The following CCDC28A variants were observed in gnomAD, a reference collection of about 807,000 sequenced individuals.
The protein encoded by CCDC28A is coiled-coil domain containing 28A, also known as coiled-coil domain-containing protein 28A.
CCDC28A carries 24 observed loss-of-function variants against 22.1 expected under a neutral mutation model. That is an observed-to-expected ratio of 1.09 (90% CI 0.79 to 1.53). CCDC28A has a LOEUF of 1.53. Ranked by LOEUF, CCDC28A falls within the 40% of genes most tolerant of loss-of-function variation. The pLI is 0.00. For missense variants in CCDC28A, 170 were observed against 210.7 expected (o/e 0.81, Z 1.20); for synonymous variants, 83 against 74.7 (o/e 1.11, Z -0.57).
intron 3 of CCDC28A, among the ~76,000 whole-genome samples, chr6:138,784,088 T>C (rs780524090): frequency 2.6e-5 from 4 of 151,984 alleles, no homozygotes; most frequent in Non-Finnish European, 5.9e-5. Context: ...GGTTTCACCA[T>C]GTTGCCCAGG....
intron 3 of CCDC28A, among the ~76,000 whole-genome samples, chr6:138,784,664 T>G (rs1444109677): frequency 2.0e-5 from 3 of 151,800 alleles, no homozygotes; most frequent in Admixed American, 6.6e-5. Flanking sequence ...CCCAGCCTGA[T>G]TTTGCTTTTT....
chr6:138,780,480 G>A (rs72985049), intron 3 of CCDC28A, among the ~76,000 whole-genome samples: 4,838 of 151,826 alleles, frequency 0.032, 122 homozygotes, highest in Non-Finnish European at 0.044. Context: ...GTATTTTTTC[G>A]TAGTCACAGA....
Position 138,781,640 on chromosome 6 carries a change from A to G in CCDC28A, c.322+1655A>G, listed in dbSNP as rs1195147331. Among the ~76,000 whole-genome samples, 9 of 152,300 alleles carry G rather than the reference A, an allele frequency of 5.9e-5. No homozygotes were observed. In the East Asian group the frequency reaches 1.2e-3, roughly 20 times the overall value. On this transcript the variant is annotated intron_variant, in intron 3 of 5. Transcript: ENST00000617445. ...TGTAAAGTGAGATGTCTTTTATTAC[A>G]ATTGAGTTTGAAGATCCGTGTGTGT... is the stretch of plus-strand genomic sequence containing the variant.
Position 138,793,007 on chromosome 6 carries a change from G to C in CCDC28A, c.*204G>C. 1.8e-6 allele frequency: 1 copy of C among 547,744 alleles called. No homozygotes were observed. Among genetic ancestry groups the C allele is most frequent in the Non-Finnish European group, 3.3e-6 (1 of 304,680 alleles). The allele number at this position is 547,744 out of a possible 1,614,324, so 33.9% of individuals were successfully genotyped here. A position where few individuals can be genotyped will look rare whatever the true frequency, so the allele number is the denominator to read the frequency against. On this transcript the variant is annotated 3_prime_UTR_variant, in exon 6 of 6. Coordinates refer to ENST00000617445, the MANE Select transcript of CCDC28A (RefSeq NM_015439.3). ...ACTGGAGGCCTAGGCCTTGTTGAAG[G>C]CTTCATCAGGAAATGTGACGCAGAG...
At chr6:138,792,474 A>AT (rs1458560625) in intron 5 of CCDC28A, among the ~76,000 whole-genome samples, 1 of 151,984 alleles carries the variant, frequency 6.6e-6, no homozygotes, top group Admixed American at 6.6e-5. Context: ...GTGAAGTATG[A>AT]TCGTATTACT....
chr6:138,784,336 T>C (rs1331088226), intron 3 of CCDC28A, among the ~76,000 whole-genome samples: 1 of 138,466 alleles, frequency 7.2e-6, no homozygotes, highest in Non-Finnish European at 1.5e-5. Context: ...TAAGGGACGA[T>C]TTTCTTTTCT....
intron 3 of CCDC28A, among the ~76,000 whole-genome samples, chr6:138,783,692 C>A (rs1198637801): frequency 6.6e-6 from 1 of 151,934 alleles, no homozygotes; most frequent in Non-Finnish European, 1.5e-5. Flanking sequence ...CCCGCCTCGG[C>A]CTCCCAAAGT....
chr6:138,793,039 C>T lies in CCDC28A; in HGVS notation c.*236C>T. 2 of 497,250 alleles carry T rather than the reference C, an allele frequency of 4.0e-6. No individual in the cohort carries two copies. The highest frequency in any genetic ancestry group is 7.3e-6 in the Non-Finnish European group (2 of 274,042). The allele number at this position is 497,250 out of a possible 1,614,324, so 30.8% of individuals were successfully genotyped here. On this transcript the variant is annotated 3_prime_UTR_variant, in exon 6 of 6. Transcript: ENST00000617445. The stretch of plus-strand genomic sequence containing the variant: ...CAGGAAATGTGACGCAGAGATTGTG[C>T]TGCTGTGCTTCATATTGTTGCCTTA...
At chr6:138,785,195 A>G (rs1775073566) in intron 3 of CCDC28A, 32 bp from the exon 4 acceptor site, 1 of 1,564,862 alleles carries the variant, frequency 6.4e-7, no homozygotes, top group Non-Finnish European at 8.8e-7. Flanking sequence ...GAACTGTCCT[A>G]ATCATTATTA....
chr6:138,785,200 T>A, intron 3 of CCDC28A, 27 bp from the exon 4 acceptor site: 1 of 1,586,178 alleles, frequency 6.3e-7, no homozygotes, highest in Middle Eastern at 1.7e-4. Flanking sequence ...GTCCTAATCA[T>A]TATTAATGTT....
intron 3 of CCDC28A, 77 bp downstream of exon 3, chr6:138,780,062 C>T: frequency 9.3e-7 from 1 of 1,070,934 alleles, no homozygotes; most frequent in African/African-American, 1.6e-5. Flanking sequence ...TTTTACTCTT[C>T]TTTTCAAAGT....
chr6:138,783,469 GCT>G (rs1775049721), intron 3 of CCDC28A, among the ~76,000 whole-genome samples: 2 of 133,312 alleles, frequency 1.5e-5, no homozygotes, highest in South Asian at 4.7e-4. Flanking sequence ...ATGGAGTCTC[GCT>G]CTTTCGCCCA....
chr6:138,780,961 A>G (rs534826092), intron 3 of CCDC28A, among the ~76,000 whole-genome samples: 8 of 152,320 alleles, frequency 5.3e-5, no homozygotes, highest in African/African-American at 1.9e-4. Context: ...AAGATGCATA[A>G]TCTTATACAA....
In CCDC28A at chr6:138,773,808, T is replaced by A. The variant is rs1221306278; in HGVS notation, c.-137T>A. 2 of 1,614,062 alleles carry A rather than the reference T, an allele frequency of 1.2e-6. No homozygotes were observed. ...CTGCGGAGGAGCGGGTCCCGGGATG[T>A]GACCGGGGCTCTGCTTGTGGCTGCG... is the stretch of plus-strand genomic sequence containing the variant. On this transcript the variant is annotated 5_prime_UTR_variant, in exon 1 of 6. It removes the in-frame stop codon of an upstream open reading frame in the 5' UTR. Transcript: ENST00000617445.
rs558895542 is a variant in CCDC28A, at chr6:138,773,790, G to T, written c.-155G>T. ...TTCCGTAAACAAACGGAGCTGCGGA[G>T]GAGCGGGTCCCGGGATGTGACCGGG... is the stretch of plus-strand genomic sequence containing the variant. On this transcript the variant is annotated 5_prime_UTR_variant, in exon 1 of 6. In the 5' UTR this introduces an upstream ATG that the reference lacks. Coordinates refer to ENST00000617445, the MANE Select transcript of CCDC28A (RefSeq NM_015439.3). The T allele has an allele frequency of 1.2e-6, 2 of 1,613,854 alleles. No individual in the cohort carries two copies. Among genetic ancestry groups the T allele is most frequent in the South Asian group, 2.2e-5 (2 of 91,056 alleles).
intron 4 of CCDC28A, among the ~76,000 whole-genome samples, chr6:138,787,607 C>T (rs747630792): frequency 3.3e-5 from 5 of 151,900 alleles, no homozygotes; most frequent in Non-Finnish European, 7.4e-5. Context: ...CTTTTAAAAA[C>T]TTATTAGAGA....
At chr6:138,780,276 G>A (rs1774996206) in intron 3 of CCDC28A, among the ~76,000 whole-genome samples, 2 of 152,192 alleles carry the variant, frequency 1.3e-5, no homozygotes, top group African/African-American at 4.8e-5. Flanking sequence ...GTCTTGGTCA[G>A]TTAAAATATT....
intron 3 of CCDC28A, among the ~76,000 whole-genome samples, chr6:138,782,197 G>C (rs1002591230): frequency 1.3e-5 from 2 of 151,936 alleles, no homozygotes; most frequent in African/African-American, 4.8e-5. Context: ...GTCCTTTCTT[G>C]TCTTTGTCTG....
intron 2 of CCDC28A, 107 bp from the exon 3 acceptor site, chr6:138,779,715 T>C (rs890256967): frequency 1.1e-5 from 9 of 803,226 alleles, no homozygotes; most frequent in Non-Finnish European, 1.7e-5. Context: ...GTATTGACTC[T>C]ATTTGATTTC....
Sources: allele counts gnomAD v4.1 joint callset (sites outside exome capture counted in the v4.1 genomes callset), GRCh38; gene constraint gnomAD v4.1.1; transcripts MANE v1.5; gene names NCBI Gene and HGNC (gene_info 2026-07-23, HGNC 2026-07-21).